The following CDC73 variants were observed in gnomAD, a reference collection of about 807,000 sequenced individuals.
CDC73 encodes cell division cycle 73, also known as parafibromin.
In CDC73, 21 loss-of-function variants were observed where a neutral mutation model predicts 83.7. The ratio of observed to expected loss-of-function variants is 0.25; its 90% confidence interval spans 0.18 to 0.36. CDC73 has a LOEUF of 0.36. CDC73 is among the 10% of genes least tolerant of loss of function. The pLI is 1.00. For synonymous variants in CDC73, 224 were observed against 212.9 expected, an observed-to-expected ratio of 1.05 and a Z score of -0.45; for missense variants, 342 against 653.3, an observed-to-expected ratio of 0.52 and a Z score of 5.19.
intron 10 of CDC73, among the ~76,000 whole-genome samples, chr1:193,195,429 T>G (rs1353107988): frequency 6.6e-6 from 1 of 152,204 alleles, no homozygotes; most frequent in East Asian, 1.9e-4. Context: ...TCCTACTTTT[T>G]GCCTATTGTG....
chr1:193,136,625 G>T (rs1218693374), intron 5 of CDC73: 2 of 199,666 alleles, frequency 1.0e-5, no homozygotes, highest in Non-Finnish European at 1.2e-5. Context: ...GAACCAGTTG[G>T]AACCTTGGCA....
chr1:193,145,007 T>G (rs2103128688), intron 7 of CDC73, among the ~76,000 whole-genome samples: 1 of 152,310 alleles, frequency 6.6e-6, no homozygotes, highest in Non-Finnish European at 1.5e-5. Context: ...ACAAGCAATT[T>G]TCTAATTCTT....
intron 10 of CDC73, among the ~76,000 whole-genome samples, chr1:193,199,836 CTA>C (rs1252592646): frequency 6.6e-6 from 1 of 151,884 alleles, no homozygotes; most frequent in Non-Finnish European, 1.5e-5. Flanking sequence ...AAGGGTATGA[CTA>C]TTATTTAAAT....
At chr1:193,131,233 CTG>C (rs1675688216) in intron 3 of CDC73, among the ~76,000 whole-genome samples, 2 of 152,048 alleles carry the variant, frequency 1.3e-5, no homozygotes, top group African/African-American at 4.8e-5. Flanking sequence ...AAAAACAAGT[CTG>C]TTGTTTTCTC....
At chr1:193,145,706 G>A (rs537151588) in intron 7 of CDC73, among the ~76,000 whole-genome samples, 1 of 152,222 alleles carries the variant, frequency 6.6e-6, no homozygotes, top group Admixed American at 6.5e-5. Flanking sequence ...AGAGTGCAAA[G>A]GGGTCCTGAG....
intron 10 of CDC73, among the ~76,000 whole-genome samples, chr1:193,194,769 T>C (rs1000142328): frequency 1.3e-5 from 2 of 152,278 alleles, no homozygotes; most frequent in East Asian, 3.9e-4. Context: ...TTTTCTAATA[T>C]GCAAGAGTAC....
chr1:193,163,922 G>A (rs1476330331), intron 10 of CDC73, among the ~76,000 whole-genome samples: 1 of 152,030 alleles, frequency 6.6e-6, no homozygotes, highest in Non-Finnish European at 1.5e-5. Context: ...GGTATTACAG[G>A]TGCCCGCCAC....
intron 13 of CDC73, among the ~76,000 whole-genome samples, chr1:193,230,402 C>A (rs1572213661): frequency 6.6e-6 from 1 of 151,638 alleles, no homozygotes; most frequent in Non-Finnish European, 1.5e-5. Flanking sequence ...CCACCTTGGC[C>A]CCCCAAAGTG....
At chr1:193,187,209 GT>G (rs1362603059) in intron 10 of CDC73, among the ~76,000 whole-genome samples, 4 of 147,378 alleles carry the variant, frequency 2.7e-5, no homozygotes, top group African/African-American at 1.0e-4. Context: ...GTGGTTTTTG[GT>G]GTTCTTGATG....
chr1:193,138,179 A>G lies in CDC73; in HGVS notation c.512+6A>G, dbSNP rs1216367951. On this transcript the variant is annotated splice_donor_region_variant and intron_variant, in intron 6 of 16. Transcript: ENST00000367435. ...GTACAGACTGAACAGATTAGGTAAG[A>G]ATTCTTTTTAAGTAGAAAGTAGGTA... 1.3e-6 allele frequency: 2 copies of G among 1,579,400 alleles called. No individual in the cohort carries two copies. Among genetic ancestry groups the G allele is most frequent in the Non-Finnish European group, 1.7e-6 (2 of 1,148,340 alleles).
chr1:193,197,014 C>T (rs986375295), intron 10 of CDC73, among the ~76,000 whole-genome samples: 5 of 152,046 alleles, frequency 3.3e-5, no homozygotes, highest in African/African-American at 1.2e-4. Flanking sequence ...TTGTCTTGTT[C>T]CTGATCTTAG....
At chr1:193,157,085 GTTTATGTAGGA>G (rs1676220345) in intron 10 of CDC73, among the ~76,000 whole-genome samples, 1 of 152,168 alleles carries the variant, frequency 6.6e-6, no homozygotes, top group African/African-American at 2.4e-5. Context: ...AAGATCAGAA[GTTTATGTAGGA>G]TTTAACTTGG....
intron 10 of CDC73, among the ~76,000 whole-genome samples, chr1:193,190,270 T>C (rs16835200): frequency 0.02 from 3,016 of 152,346 alleles, 98 homozygotes; most frequent in African/African-American, 0.068. Context: ...TAGACAATTT[T>C]GCATGATGTT....
intron 10 of CDC73, chr1:193,181,020 A>G (rs1676705624): frequency 2.5e-6 from 4 of 1,613,682 alleles, no homozygotes; most frequent in South Asian, 1.1e-5. Context: ...TTTGAATACC[A>G]GGTGCTAGAC....
At chr1:193,199,110 G>T in intron 10 of CDC73, among the ~76,000 whole-genome samples, 1 of 152,210 alleles carries the variant, frequency 6.6e-6, no homozygotes, top group Non-Finnish European at 1.5e-5. Context: ...GCAACATATC[G>T]TATACATATA....
rs969988680 is a variant in CDC73, at chr1:193,251,003, G to A, written c.*291G>A. The A allele has an allele frequency of 2.4e-6, 1 of 419,046 alleles. No homozygotes were observed. Among genetic ancestry groups the A allele is most frequent in the Non-Finnish European group, 4.3e-6 (1 of 231,912 alleles). The allele number at this position is 419,046 out of a possible 1,614,324, so 26.0% of individuals were successfully genotyped here. On this transcript the variant is annotated 3_prime_UTR_variant, in exon 17 of 17. Coordinates refer to ENST00000367435, the MANE Select transcript of CDC73 (RefSeq NM_024529.5). ...TTGTTTCTTTAGAAAATAAATGCAG[G>A]TTATAAATGTGTGTATATTTAGAGA...
intron 10 of CDC73, among the ~76,000 whole-genome samples, chr1:193,184,290 AAG>A (rs962309193): frequency 3.3e-5 from 5 of 151,930 alleles, no homozygotes; most frequent in African/African-American, 1.2e-4. Context: ...TTTTGTTAAA[AAG>A]AATATAAAAT....
At position 193,233,266 on chromosome 1, in the gene CDC73, G is replaced by T. The variant is rs544128109; in HGVS notation, c.1316+112G>T. The stretch of plus-strand genomic sequence containing the variant: ...TTAAGAGATGGGGTCTCACTATGTT[G>T]CCTAGGCAGAACTTGAACTCCTGGG... On this transcript the variant is annotated intron_variant, in intron 14 of 16. Transcript: ENST00000367435. The T allele has an allele frequency of 7.2e-6, 7 of 972,064 alleles. 1 individual carries two copies. Among genetic ancestry groups the T allele is most frequent in the African/African-American group, 4.8e-5 (3 of 62,108 alleles). The allele number at this position is 972,064 out of a possible 1,614,324, so 60.2% of individuals were successfully genotyped here.
At chr1:193,147,797 C>A in intron 7 of CDC73, 70 bp from the exon 8 acceptor site, 2 of 866,618 alleles carry the variant, frequency 2.3e-6, no homozygotes, top group South Asian at 1.4e-5. Flanking sequence ...ATAACTTAGT[C>A]TTAAATTATC....
Sources: allele counts gnomAD v4.1 joint callset (sites outside exome capture counted in the v4.1 genomes callset), GRCh38; gene constraint gnomAD v4.1.1; transcripts MANE v1.5; gene names NCBI Gene and HGNC (gene_info 2026-07-23, HGNC 2026-07-21).